The following CEMIP variants were observed in gnomAD, a reference collection of about 807,000 sequenced individuals.
CEMIP encodes the protein cell migration inducing hyaluronidase 1.
A neutral mutation model predicts 156.9 loss-of-function variants in CEMIP; 105 were observed. The observed-to-expected ratio is 0.67, with a 90% CI of 0.57 to 0.79. The LOEUF (loss-of-function observed/expected upper bound fraction) is 0.79, where lower values mean the gene tolerates loss of function less well. Among genes scored for constraint, CEMIP ranks in the 30% least tolerant of loss-of-function variants. The pLI is 0.00. For missense variants in CEMIP, 1,457 were observed against 1,769.4 expected, an observed-to-expected ratio of 0.82 and a Z score of 3.17; for synonymous variants, 676 against 668.4, an observed-to-expected ratio of 1.01 and a Z score of -0.17.
Position 80,888,756 on chromosome 15 carries a change from C to T in CEMIP, c.924C>T (p.Gly308=), listed in dbSNP as rs1007177974. Residue 308 remains glycine, a synonymous_variant, in exon 9 of 30, where the codon GGC becomes GGT. Coordinates refer to ENST00000394685, the MANE Select transcript of CEMIP (RefSeq NM_001293298.2). The stretch of plus-strand genomic sequence containing the variant: ...TCAAATTGTTCCAGACAGAGCATGG[C>T]GAATATTTCAATGTTTCTTTGTCCA... ...RVFKLFQTEH[G]EYFNVSLSSE... is the part of the protein sequence containing the mutation. 17 of 1,613,862 alleles carry T rather than the reference C, an allele frequency of 1.1e-5. No individual in the cohort carries two copies. Among genetic ancestry groups the T allele is most frequent in the African/African-American group, 2.7e-5 (2 of 74,830 alleles).
intron 12 of CEMIP, among the ~76,000 whole-genome samples, chr15:80,899,591 C>A (rs975742739): frequency 6.6e-6 from 1 of 152,080 alleles, no homozygotes; most frequent in Non-Finnish European, 1.5e-5. Context: ...ATGAGGCGTT[C>A]CAGCTACCAA....
At chr15:80,782,826 T>C (rs912352452) in intron 1 of CEMIP, among the ~76,000 whole-genome samples, 4 of 152,230 alleles carry the variant, frequency 2.6e-5, no homozygotes, top group Non-Finnish European at 5.9e-5. Context: ...CAGGAGGACA[T>C]GGGGCCTTGG....
chr15:80,884,984 C>T (rs1445187350), intron 7 of CEMIP, among the ~76,000 whole-genome samples: 4 of 152,042 alleles, frequency 2.6e-5, no homozygotes, highest in Non-Finnish European at 2.9e-5. Flanking sequence ...AAACGTGTGC[C>T]GCGATGGTTT....
chr15:80,887,598 C>T (rs1898892240), intron 7 of CEMIP, 96 bp from the exon 8 acceptor site: 1 of 902,502 alleles, frequency 1.1e-6, no homozygotes. Context: ...CCTCCTTCAC[C>T]TGACGCTGCT....
intron 17 of CEMIP, among the ~76,000 whole-genome samples, chr15:80,922,488 A>T (rs897127940): frequency 6.6e-6 from 1 of 152,248 alleles, no homozygotes. Context: ...GGCTGGGTGT[A>T]GCCTCAACTA....
intron 7 of CEMIP, 86 bp downstream of exon 7, chr15:80,884,440 C>T: frequency 7.4e-7 from 1 of 1,358,138 alleles, no homozygotes; most frequent in Admixed American, 1.7e-5. Flanking sequence ...CCCATCTCCT[C>T]TCCCCACAGC....
At chr15:80,847,068 G>T (rs922930903) in intron 1 of CEMIP, among the ~76,000 whole-genome samples, 2 of 152,128 alleles carry the variant, frequency 1.3e-5, no homozygotes, top group Non-Finnish European at 2.9e-5. Flanking sequence ...GGCAGGACAG[G>T]GTCTCGCTGT....
At chr15:80,947,375 G>A (rs1027412831) in intron 29 of CEMIP, 2 of 372,586 alleles carry the variant, frequency 5.4e-6, no homozygotes, top group Non-Finnish European at 1.0e-5. Context: ...TAAGAAAAGT[G>A]GCTTAGTCTC....
At chr15:80,868,329 GC>G (rs1898185878) in intron 1 of CEMIP, among the ~76,000 whole-genome samples, 1 of 152,188 alleles carries the variant, frequency 6.6e-6, no homozygotes, top group East Asian at 1.9e-4. Flanking sequence ...TTCCCAGTAA[GC>G]CTTGGTGAGA....
At chr15:80,850,346 A>G (rs1346444159) in intron 1 of CEMIP, among the ~76,000 whole-genome samples, 1 of 152,136 alleles carries the variant, frequency 6.6e-6, no homozygotes, top group African/African-American at 2.4e-5. Context: ...GCGCAATCTC[A>G]GTTCAATGCA....
intron 1 of CEMIP, among the ~76,000 whole-genome samples, chr15:80,865,167 C>A (rs1466808483): frequency 6.6e-6 from 1 of 152,048 alleles, no homozygotes; most frequent in Non-Finnish European, 1.5e-5. Flanking sequence ...AACTGAGGAA[C>A]TAAATTTTTT....
chr15:80,887,566 C>A, intron 7 of CEMIP, 128 bp from the exon 8 acceptor site: 1 of 722,902 alleles, frequency 1.4e-6, no homozygotes, highest in Non-Finnish European at 2.5e-6. Context: ...GAATGAATTT[C>A]CCCCAAACAG....
intron 5 of CEMIP, among the ~76,000 whole-genome samples, chr15:80,880,400 T>C (rs1459440861): frequency 6.6e-6 from 1 of 152,230 alleles, no homozygotes; most frequent in African/African-American, 2.4e-5. Flanking sequence ...TATTTTGGTC[T>C]GGCTTAGGAA....
intron 12 of CEMIP, among the ~76,000 whole-genome samples, chr15:80,900,668 GTGTGTGTGTATTT>G (rs1228224463): frequency 1.9e-4 from 28 of 146,558 alleles, no homozygotes; most frequent in African/African-American, 5.4e-4. Context: ...GTGTCTGTGT[GTGTGTGTGTATTT>G]TGTGTGTGTA....
At position 80,932,123 on chromosome 15, in the gene CEMIP, C is replaced by G; in HGVS notation, c.2793+84C>G. ...AGTCCCCTGGGTCCCAGAGTTTGAGCTATTGCCACCACCGCAGGGGTTGAG... is the reference window on the plus strand; with the variant it reads ...AGTCCCCTGGGTCCCAGAGTTTGAGGTATTGCCACCACCGCAGGGGTTGAG... On this transcript the variant is annotated intron_variant, in intron 22 of 29. Coordinates refer to ENST00000394685, the MANE Select transcript of CEMIP (RefSeq NM_001293298.2). This position sits in a 1 kb window ranked among gnomAD's most constrained non-coding sequence, Gnocchi z 4.5. 1 of 1,490,050 alleles carries G rather than the reference C, an allele frequency of 6.7e-7. No homozygotes were observed. The highest frequency in any genetic ancestry group is 9.2e-7 in the Non-Finnish European group (1 of 1,081,204). The allele number at this position is 1,490,050 out of a possible 1,614,324, so 92.3% of individuals were successfully genotyped here. A position where few individuals can be genotyped will look rare whatever the true frequency, so the allele number is the denominator to read the frequency against.
At chr15:80,888,078 C>T (rs140523373) in intron 8 of CEMIP, among the ~76,000 whole-genome samples, 10 of 152,162 alleles carry the variant, frequency 6.6e-5, no homozygotes, top group East Asian at 1.9e-4. Flanking sequence ...AGAGCTAAAA[C>T]GAGGCTGGGT....
chr15:80,863,657 TGGG>T (rs1436360007), intron 1 of CEMIP, among the ~76,000 whole-genome samples: 1 of 152,222 alleles, frequency 6.6e-6, no homozygotes, highest in African/African-American at 2.4e-5. Context: ...GCATGGCAGC[TGGG>T]AGGATGGTCT....
rs1567104285 is a variant in CEMIP at position 80,925,774 on chromosome 15, T to C, written c.2420+19T>C. On this transcript the variant is annotated intron_variant, in intron 19 of 29. Transcript: ENST00000394685. ...GCTGCCGGTGAGTCAGAGCGGCGTG[T>C]GGCTTTGGCACAAAGGGGGCATGGC... 6.2e-7 allele frequency: 1 copy of C among 1,609,558 alleles called. No homozygotes were observed. Among genetic ancestry groups the C allele is most frequent in the Non-Finnish European group, 8.5e-7 (1 of 1,179,434 alleles).
chr15:80,831,654 A>G (rs1384891086), intron 1 of CEMIP, among the ~76,000 whole-genome samples: 1 of 152,172 alleles, frequency 6.6e-6, no homozygotes, highest in African/African-American at 2.4e-5. Context: ...AGCATTCCAG[A>G]TGACTCCAAA....
Sources: allele counts gnomAD v4.1 joint callset (sites outside exome capture counted in the v4.1 genomes callset), GRCh38; gene constraint gnomAD v4.1.1; non-coding constraint Gnocchi (gnomAD v3.1); transcripts MANE v1.5; gene names NCBI Gene and HGNC (gene_info 2026-07-23, HGNC 2026-07-21).